The following ATP13A3 variants were observed in gnomAD, a reference collection of about 807,000 sequenced individuals.
ATP13A3 encodes ATPase 13A3.
Under a neutral mutation model 158.1 loss-of-function variants are expected in ATP13A3, and 59 were observed. The ratio of observed to expected loss-of-function variants is 0.37; its 90% confidence interval spans 0.30 to 0.46. The LOEUF is 0.46. ATP13A3 is among the 20% of genes least tolerant of loss of function. ATP13A3 has a pLI of 1.00. For synonymous variants in ATP13A3, 491 were observed against 504.3 expected (o/e 0.97, Z 0.35); for missense variants, 1,166 against 1,525.2 (o/e 0.76, Z 3.92).
At chr3:194,435,957 G>T (rs1188902700) in intron 20 of ATP13A3, among the ~76,000 whole-genome samples, 1 of 152,130 alleles carries the variant, frequency 6.6e-6, no homozygotes, top group Non-Finnish European at 1.5e-5. Context: ...GTTTATGGGG[G>T]AAAATGGCAA....
chr3:194,420,005 A>C, intron 30 of ATP13A3, 38 bp from the exon 31 acceptor site: 2 of 1,481,722 alleles, frequency 1.3e-6, no homozygotes, highest in Non-Finnish European at 1.8e-6. Context: ...GTAAATTAGG[A>C]AATTCCTTTA....
At chr3:194,408,088 A>T (rs1021041136) in intron 33 of ATP13A3, among the ~76,000 whole-genome samples, 1 of 149,520 alleles carries the variant, frequency 6.7e-6, no homozygotes, top group Non-Finnish European at 1.5e-5. Context: ...GGCGTGATCT[A>T]AGCTCACTGC....
chr3:194,456,222 C>T (rs993077095), intron 7 of ATP13A3, among the ~76,000 whole-genome samples: 1 of 151,966 alleles, frequency 6.6e-6, no homozygotes, highest in South Asian at 2.1e-4. Context: ...GTCTATAATA[C>T]CATGTGAGCA....
rs1577075534 is a variant in ATP13A3, at chr3:194,457,021, T to C, written c.560+73A>G. The C allele has an allele frequency of 2.6e-5, 28 of 1,069,406 alleles. No homozygotes were observed. The East Asian group carries it at 6.5e-4, about 25-fold the overall frequency. 66.2% of individuals were successfully genotyped at this position (1,069,406 alleles called of 1,614,324 possible). ...TCTGTTAATATGTACAACTATATGG[T>C]AAAGGGTTGATTATGTATACTACTG... On this transcript the variant is annotated intron_variant, in intron 7 of 33. Transcript: ENST00000645319.
chr3:194,438,455 C>T (rs187757182), intron 17 of ATP13A3, among the ~76,000 whole-genome samples: 65 of 152,272 alleles, frequency 4.3e-4, no homozygotes, highest in Admixed American at 1.8e-3. Flanking sequence ...TAACCACCAG[C>T]TGTATAAATC....
chr3:194,455,123 A>G (rs889348887), intron 8 of ATP13A3, among the ~76,000 whole-genome samples: 1 of 152,226 alleles, frequency 6.6e-6, no homozygotes, highest in Non-Finnish European at 1.5e-5. Context: ...ATTTACTTAT[A>G]TATCAAAAGT....
In ATP13A3 at chr3:194,475,530, C is replaced by T. The variant is rs181376678; in HGVS notation, c.-47+10264G>A. On this transcript the variant is annotated intron_variant, in intron 2 of 33. Coordinates refer to ENST00000645319, the MANE Select transcript of ATP13A3 (RefSeq NM_001367549.1). ...TTGTCTAATCTGAAACCTACCCACG[C>T]TAACCCAGCATAGACAATGCAAAGG... 2.1e-3 allele frequency among the ~76,000 whole-genome samples: 318 copies of T among 152,282 alleles called. 14 individuals carry two copies. Among genetic ancestry groups the T allele is most frequent in the Admixed American group, 0.018 (277 of 15,296 alleles).
chr3:194,487,580 G>A (rs1030140577), upstream of ATP13A3: 2 of 152,334 alleles, frequency 1.3e-5, no homozygotes, highest in Non-Finnish European at 2.9e-5. Flanking sequence ...CCACGCGCCC[G>A]CGCCTCGCCT....
chr3:194,439,952 C>A (rs1015111783), intron 16 of ATP13A3, among the ~76,000 whole-genome samples: 11 of 152,134 alleles, frequency 7.2e-5, no homozygotes, highest in African/African-American at 2.7e-4. Context: ...TGAAGTGAGG[C>A]CTCCTTTTCA....
intron 21 of ATP13A3, among the ~76,000 whole-genome samples, chr3:194,433,522 C>T (rs1008020954): frequency 1.3e-5 from 2 of 152,260 alleles, no homozygotes; most frequent in East Asian, 1.9e-4. Context: ...GGATTACAGG[C>T]GTGAGCCACC....
intron 33 of ATP13A3, among the ~76,000 whole-genome samples, chr3:194,406,953 A>G (rs193220791): frequency 4.6e-5 from 7 of 152,278 alleles, no homozygotes; most frequent in African/African-American, 1.4e-4. Flanking sequence ...TCATTGCAAA[A>G]AGCTCTGCTG....
chr3:194,405,940 A>G lies in ATP13A3; in HGVS notation c.3750T>C (p.Cys1250=). ...ACTGCTATGTTATGGTGATGATTTG[A>G]CATGATCCATTCTCCTTAACTAAAG... is the stretch of plus-strand genomic sequence containing the variant. The part of the protein sequence containing the change: ...AKALVKENGS[C]QIITIT Residue 1250 remains cysteine (C), a synonymous_variant, in exon 34 of 34, where the codon TGT becomes TGC. Transcript: ENST00000645319. 1 of 1,614,160 alleles carries G rather than the reference A, an allele frequency of 6.2e-7. No individual in the cohort carries two copies. Among genetic ancestry groups the G allele is most frequent in the South Asian group, 1.1e-5 (1 of 91,082 alleles).
chr3:194,441,720 C>A (rs539032532), intron 15 of ATP13A3, among the ~76,000 whole-genome samples: 2 of 151,910 alleles, frequency 1.3e-5, no homozygotes, highest in Non-Finnish European at 2.9e-5. Context: ...GATTTAATAC[C>A]CACAAAAGGA....
At chr3:194,444,612 T>C (rs1259492932) in intron 15 of ATP13A3, 113 bp downstream of exon 15, 4 of 858,212 alleles carry the variant, frequency 4.7e-6, no homozygotes, top group Non-Finnish European at 5.1e-6. Context: ...ATGTCCACGG[T>C]TTAATCCTGG....
At position 194,447,073 on chromosome 3, in the gene ATP13A3, T is replaced by C. The variant is rs370210374; in HGVS notation, c.1351A>G (p.Thr451Ala). ...VIIIESLDII[T>A]ITVPPALPAA... ...GGAAGTGCAGGGGGCACAGTAATTG[T>C]GATAATATCAAGAGACTCGATAATT... is the stretch of plus-strand genomic sequence containing the variant. The change falls in exon 14 of 34, where the codon ACA becomes GCA. Residue 451 changes from threonine (T) to alanine (A), a missense_variant. Thr to Ala is a moderately conservative substitution (Grantham distance 58). Around this residue, in one of 3 missense-constraint regions of ATP13A3, gnomAD observed 997 missense variants for 1,341.2 expected, o/e 0.74. Transcript: ENST00000645319. 1 of 1,611,722 alleles carries C rather than the reference T, an allele frequency of 6.2e-7. No homozygotes were observed. Among genetic ancestry groups the C allele is most frequent in the Non-Finnish European group, 8.5e-7 (1 of 1,179,506 alleles).
intron 30 of ATP13A3, among the ~76,000 whole-genome samples, chr3:194,421,132 A>T (rs1716281631): frequency 6.2e-5 from 1 of 16,148 alleles, no homozygotes; most frequent in South Asian, 2.9e-3. Flanking sequence ...ATATATATAT[A>T]TATAGTATAT....
At chr3:194,415,284 C>T (rs1185771146) in intron 31 of ATP13A3, among the ~76,000 whole-genome samples, 2 of 152,118 alleles carry the variant, frequency 1.3e-5, no homozygotes, top group South Asian at 2.1e-4. Flanking sequence ...TGCTGAGGGC[C>T]GTTTCAGTAG....
intron 2 of ATP13A3, among the ~76,000 whole-genome samples, chr3:194,481,608 T>A (rs1027896415): frequency 1.1e-4 from 17 of 152,142 alleles, no homozygotes; most frequent in Admixed American, 1.1e-3. Flanking sequence ...TTTATTTCAA[T>A]GTTCAACTCC....
Position 194,431,005 on chromosome 3 carries a change from G to C in ATP13A3, c.2562C>G (p.Thr854=). 1 of 1,613,266 alleles carries C rather than the reference G, an allele frequency of 6.2e-7. No homozygotes were observed. The highest frequency in any genetic ancestry group is 8.5e-7 in the Non-Finnish European group (1 of 1,179,470). Residue 854 remains threonine, a synonymous_variant, in exon 24 of 34, where the codon ACC becomes ACG. Transcript: ENST00000645319. Reference sequence around the variant, plus strand: ...GATCAGGTGCCATACGGGCAAACACGGTGCCATGCAACATCAACTGGAAAC... The same window carrying C: ...GATCAGGTGCCATACGGGCAAACACCGTGCCATGCAACATCAACTGGAAAC... The part of the protein sequence containing the change: ...DLVPKLMLHG[T]VFARMAPDQK...
Sources: allele counts gnomAD v4.1 joint callset (sites outside exome capture counted in the v4.1 genomes callset), GRCh38; gene constraint gnomAD v4.1.1; regional missense constraint gnomAD v4.1.1; transcripts MANE v1.5; gene names NCBI Gene and HGNC (gene_info 2026-07-23, HGNC 2026-07-21).